The following DDX17 variants were observed in gnomAD, a reference collection of about 807,000 sequenced individuals.
DDX17 encodes DEAD-box helicase 17.
A neutral mutation model predicts 80.8 loss-of-function variants in DDX17; 10 were observed. The ratio of observed to expected loss-of-function variants is 0.12; its 90% CI spans 0.08 to 0.21. The LOEUF is 0.21. Ranked by LOEUF, DDX17 falls within the 10% of genes least tolerant of loss-of-function variation. The pLI, the probability that DDX17 is intolerant of heterozygous loss-of-function variation, is 1.00. For synonymous variants in DDX17, 339 were observed against 336.2 expected, an observed-to-expected ratio of 1.01 and a Z score of -0.09; for missense variants, 586 against 957.4, an observed-to-expected ratio of 0.61 and a Z score of 5.12.
rs1458888291 is a variant in DDX17 at position 38,483,746 on chromosome 22, AG to A, written c.*2188del. On this transcript the variant is annotated 3_prime_UTR_variant, in exon 13 of 13. Transcript: ENST00000403230. ...TTAATACATTGGAACCCTTTCCCTA[AG>A]TTGAGTTTCAACCATGAATGCAATA... The A allele has an allele frequency of 6.6e-6, 1 of 152,288 alleles. No homozygotes were observed. The allele number at this position is 152,288 out of a possible 1,614,324, so 9.4% of individuals were successfully genotyped here.
chr22:38,498,926 C>T (rs1211263050), intron 3 of DDX17, among the ~76,000 whole-genome samples: 3 of 152,104 alleles, frequency 2.0e-5, no homozygotes, highest in Admixed American at 6.5e-5. Context: ...GAAGCAGAAT[C>T]GCATGAACCC....
At chr22:38,503,877 T>C (rs1477391313) in intron 1 of DDX17, among the ~76,000 whole-genome samples, 1 of 152,208 alleles carries the variant, frequency 6.6e-6, no homozygotes, top group Admixed American at 6.5e-5. Context: ...GCAATTCAAA[T>C]AATCAAGAAC....
At chr22:38,490,428 TC>T in intron 11 of DDX17, 1 of 1,289,362 alleles carries the variant, frequency 7.8e-7, no homozygotes, top group South Asian at 1.2e-5. Context: ...GCAGCTGATA[TC>T]AAAGCTTCTG....
In DDX17 at chr22:38,485,838, G is replaced by C; in HGVS notation, c.*97C>G. 5.0e-6 allele frequency: 7 copies of C among 1,394,972 alleles called. No homozygotes were observed. The highest frequency in any genetic ancestry group is 1.6e-5 in the South Asian group (1 of 61,504). The allele number at this position is 1,394,972 out of a possible 1,614,324, so 86.4% of individuals were successfully genotyped here. A position where few individuals can be genotyped will look rare whatever the true frequency, so the allele number is the denominator to read the frequency against. ...AAATTAAAAAAAAAAAAAGAAAAAA[G>C]GAAAAAAAAAGAAAAGGCGAAGAGG... On this transcript the variant is annotated 3_prime_UTR_variant, in exon 13 of 13. Coordinates refer to ENST00000403230, the MANE Select transcript of DDX17 (RefSeq NM_006386.5).
Position 38,506,220 on chromosome 22 carries a change from T to G in DDX17, c.18A>C (p.Val6=). ...GGAGCAAAACACAGAGAATCGGGGCTACAAAGCCGGTGGGCAGGTTTGGCT... is the reference window on the plus strand; with the variant it reads ...GGAGCAAAACACAGAGAATCGGGGCGACAAAGCCGGTGGGCAGGTTTGGCT... The change falls in exon 1 of 13, where the codon GTA becomes GTC. Residue 6 remains valine (V), a synonymous_variant. Transcript: ENST00000403230. The G allele has an allele frequency of 6.2e-7, 1 of 1,606,060 alleles. No homozygotes were observed. The highest frequency in any genetic ancestry group is 1.1e-5 in the South Asian group (1 of 90,054).
intron 5 of DDX17, among the ~76,000 whole-genome samples, chr22:38,496,418 G>C (rs1305652763): frequency 2.0e-5 from 3 of 152,150 alleles, no homozygotes; most frequent in African/African-American, 7.2e-5. Flanking sequence ...TGCAATGAAG[G>C]CTCACTGTAA....
chr22:38,490,616 G>A (rs1227494454), intron 11 of DDX17: 2 of 444,346 alleles, frequency 4.5e-6, no homozygotes, highest in Non-Finnish European at 7.4e-6. Flanking sequence ...AGAGACCATC[G>A]CTTGACAGGA....
chr22:38,504,141 ATAACCACTACCTTGAATTTTGT>A (rs1381164082), intron 1 of DDX17, among the ~76,000 whole-genome samples: 2 of 152,228 alleles, frequency 1.3e-5, no homozygotes, highest in African/African-American at 2.4e-5. Context: ...TTTCACCCTA[ATAACCACTACCTTGAATTTTGT>A]TAACCACTCC....
intron 9 of DDX17, 40 bp from the exon 10 acceptor site, chr22:38,493,811 A>C (rs768849540): frequency 1.3e-6 from 2 of 1,593,530 alleles, no homozygotes; most frequent in Admixed American, 3.4e-5. Context: ...AAAATCTTTT[A>C]AAGTGGAGAA....
At position 38,506,060 on chromosome 22, in the gene DDX17, G is replaced by A; in HGVS notation, c.178C>T (p.Gln60Ter). The change falls in exon 1 of 13, where the codon CAG becomes TAG. Residue 60 changes from glutamine to a stop codon, truncating the protein, a stop_gained. Transcript: ENST00000403230. LOFTEE classifies it high-confidence loss of function. ...CGGATGGCCGGGCTCGGGAGGGCCTGCGGCTCCGGTCTGGTGACGACCGAT... is the reference window on the plus strand; with the variant it reads ...CGGATGGCCGGGCTCGGGAGGGCCTACGGCTCCGGTCTGGTGACGACCGAT... 1 of 1,585,310 alleles carries A rather than the reference G, an allele frequency of 6.3e-7. No homozygotes were observed. Among genetic ancestry groups the A allele is most frequent in the Non-Finnish European group, 8.6e-7 (1 of 1,166,842 alleles).
At position 38,505,799 on chromosome 22, in the gene DDX17, T is replaced by C. The variant is rs771199692; in HGVS notation, c.287+152A>G. 1.5e-3 allele frequency: 1,524 copies of C among 997,632 alleles called. 1 individual carries two copies. The highest frequency in any genetic ancestry group is 2.0e-3 in the Non-Finnish European group (1,414 of 695,970). 61.8% of individuals were successfully genotyped at this position (997,632 alleles called of 1,614,324 possible). On this transcript the variant is annotated intron_variant, in intron 1 of 12. Transcript: ENST00000403230. ...GTCCCGAGTGACCCCGGGGCCGAGG[T>C]CCGCGCACGAAACCGCTGTCTCGCC...
intron 1 of DDX17, among the ~76,000 whole-genome samples, chr22:38,503,499 A>C (rs1374928821): frequency 6.6e-6 from 1 of 152,176 alleles, no homozygotes; most frequent in African/African-American, 2.4e-5. Context: ...ATTTAATTTG[A>C]AACATGTGGT....
rs1367244418 is a variant in DDX17, at chr22:38,506,259, G to A, written c.-22C>T. The A allele has an allele frequency of 3.3e-5, 52 of 1,583,746 alleles. No individual in the cohort carries two copies. The highest frequency in any genetic ancestry group is 4.1e-5 in the African/African-American group (3 of 73,434). ...GCAGGTTTGGCTACGCTCAAACCGG[G>A]CAGTGCCGCGGTTTAGGCGTCTCCT... On this transcript the variant is annotated 5_prime_UTR_variant, in exon 1 of 13. Transcript: ENST00000403230.
Position 38,489,842 on chromosome 22 carries a change from A to T in DDX17, c.1448-1727T>A. 3.0e-6 allele frequency: 3 copies of T among 985,988 alleles called. No homozygotes were observed. Among genetic ancestry groups the T allele is most frequent in the Non-Finnish European group, 3.6e-6 (3 of 830,380 alleles). The allele number at this position is 985,988 out of a possible 1,614,324, so 61.1% of individuals were successfully genotyped here. A position where few individuals can be genotyped will look rare whatever the true frequency, so the allele number is the denominator to read the frequency against. ...AATTTACAGGGCCAGGGTGGATGTA[A>T]GACAGGGGGTGGGGAATTCTACTCC... On this transcript the variant is annotated intron_variant, in intron 11 of 12. Coordinates refer to ENST00000403230, the MANE Select transcript of DDX17 (RefSeq NM_006386.5). The surrounding 1 kb of genome is among the most constrained non-coding windows in gnomAD (Gnocchi z 4.6).
chr22:38,494,542 A>T (rs2089742991), intron 8 of DDX17, 88 bp downstream of exon 8: 1 of 1,277,482 alleles, frequency 7.8e-7, no homozygotes, highest in South Asian at 1.4e-5. Context: ...AGGCCTCAAA[A>T]TATACTGGTT....
intron 11 of DDX17, chr22:38,490,545 G>T: frequency 1.1e-6 from 1 of 876,062 alleles, no homozygotes. Context: ...GGAAGTGGTA[G>T]CCTAAGGATG....
intron 5 of DDX17, among the ~76,000 whole-genome samples, chr22:38,497,750 G>A (rs1333538976): frequency 2.0e-5 from 3 of 150,824 alleles, no homozygotes; most frequent in Admixed American, 6.6e-5. Context: ...AACACGGAGC[G>A]AACCTCCATC....
At position 38,489,202 on chromosome 22, in the gene DDX17, A is replaced by G; in HGVS notation, c.1448-1087T>C. ...AGATTTTTGTGATATAAATAATTAA[A>G]AAACATTCTCTGTTTGTTACCAGAC... On this transcript the variant is annotated intron_variant, in intron 11 of 12. Coordinates refer to ENST00000403230, the MANE Select transcript of DDX17 (RefSeq NM_006386.5). This position sits in a 1 kb window ranked among gnomAD's most constrained non-coding sequence, Gnocchi z 4.6. 2.0e-6 allele frequency: 2 copies of G among 985,796 alleles called. No individual in the cohort carries two copies. The highest frequency in any genetic ancestry group is 2.4e-6 in the Non-Finnish European group (2 of 829,930). The allele number at this position is 985,796 out of a possible 1,614,324, so 61.1% of individuals were successfully genotyped here.
In DDX17 at chr22:38,489,090, TAAG is replaced by T; in HGVS notation, c.1448-978_1448-976del. 2.0e-6 allele frequency: 2 copies of T among 984,094 alleles called. No homozygotes were observed. The highest frequency in any genetic ancestry group is 1.1e-4 in the East Asian group (1 of 8,810). 61.0% of individuals were successfully genotyped at this position (984,094 alleles called of 1,614,324 possible). On this transcript the variant is annotated intron_variant, in intron 11 of 12. Coordinates refer to ENST00000403230, the MANE Select transcript of DDX17 (RefSeq NM_006386.5). This position sits in a 1 kb window ranked among gnomAD's most constrained non-coding sequence, Gnocchi z 4.6. ...TTTTACCTACTTAAACAAACAATTT[TAAG>T]AATATAACAAAGAATCCTACTGTTT...
Sources: allele counts gnomAD v4.1 joint callset (sites outside exome capture counted in the v4.1 genomes callset), GRCh38; gene constraint gnomAD v4.1.1; non-coding constraint Gnocchi (gnomAD v3.1); transcripts MANE v1.5; gene names NCBI Gene and HGNC (gene_info 2026-07-23, HGNC 2026-07-21).